Variants in CDH5 observed in about 807,000 individuals in gnomAD.
CDH5 encodes cadherin-5.
Under a neutral mutation model 62.0 loss-of-function variants are expected in CDH5, and 28 were observed. The ratio of observed to expected loss-of-function variants is 0.45; its 90% CI spans 0.33 to 0.62. The LOEUF (loss-of-function observed/expected upper bound fraction) is 0.62. Among genes scored for constraint, CDH5 ranks in the 20% least tolerant of loss-of-function variants. CDH5 has a pLI of 0.02. For synonymous variants in CDH5, 464 were observed against 445.8 expected, an observed-to-expected ratio of 1.04 and a Z score of -0.52; for missense variants, 940 against 1,065.1, an observed-to-expected ratio of 0.88 and a Z score of 1.63.
intron 2 of CDH5, among the ~76,000 whole-genome samples, chr16:66,382,924 T>C (rs1960922936): frequency 6.6e-6 from 1 of 152,020 alleles, no homozygotes; most frequent in Non-Finnish European, 1.5e-5. Flanking sequence ...CAAATATGGG[T>C]TTTTGGCATT....
intron 7 of CDH5, 150 bp downstream of exon 7, chr16:66,392,533 C>A: frequency 2.7e-6 from 3 of 1,098,232 alleles, no homozygotes; most frequent in Non-Finnish European, 3.9e-6. Context: ...GAAGCCCAAG[C>A]TCTTGCACTT....
At chr16:66,389,260 C>T in intron 4 of CDH5, 98 bp from the exon 5 acceptor site, 1 of 1,187,746 alleles carries the variant, frequency 8.4e-7, no homozygotes, top group Non-Finnish European at 1.2e-6. Flanking sequence ...GTGGAATCAC[C>T]AGGGAAGCTC....
chr16:66,367,434 C>A (rs886533924), intron 1 of CDH5, among the ~76,000 whole-genome samples: 1 of 152,220 alleles, frequency 6.6e-6, no homozygotes. Flanking sequence ...TCCACCATTC[C>A]TCCCACCAGC....
intron 11 of CDH5, 127 bp downstream of exon 11, chr16:66,401,143 C>A: frequency 8.2e-7 from 1 of 1,220,014 alleles, no homozygotes; most frequent in Non-Finnish European, 1.2e-6. Context: ...CTCCAATCTG[C>A]AATGCAGCCC....
chr16:66,375,901 G>A (rs1960777395), intron 1 of CDH5, among the ~76,000 whole-genome samples: 1 of 151,838 alleles, frequency 6.6e-6, no homozygotes, highest in South Asian at 2.1e-4. Context: ...GAGGTCAGGA[G>A]TTTGAGACCA....
rs1389133104 is a variant in CDH5, at chr16:66,404,227, T to C, written c.*1058T>C. 3.3e-5 allele frequency: 5 copies of C among 152,746 alleles called. No individual in the cohort carries two copies. Among genetic ancestry groups the C allele is most frequent in the Non-Finnish European group, 7.3e-5 (5 of 68,090 alleles). 9.5% of individuals were successfully genotyped at this position (152,746 alleles called of 1,614,324 possible). ...CATGACGGAGCCGAGCCATGTGTCT[T>C]TACACCTCGCTGTTGTCACATCTCA... On this transcript the variant is annotated 3_prime_UTR_variant, in exon 12 of 12. Transcript: ENST00000341529.
chr16:66,380,389 G>A lies in CDH5; in HGVS notation c.210+842G>A, dbSNP rs542626327. ...ATAAAGGGGTAGGCGGTGGTCTGACGATGGTGATGATGGTGGTGCTGATAA... is the reference window on the plus strand; with the variant it reads ...ATAAAGGGGTAGGCGGTGGTCTGACAATGGTGATGATGGTGGTGCTGATAA... On this transcript the variant is annotated intron_variant, in intron 2 of 11. Transcript: ENST00000341529. 3.9e-4 allele frequency among the ~76,000 whole-genome samples: 59 copies of A among 149,410 alleles called. 3 individuals are homozygous for A. Among genetic ancestry groups the A allele is most frequent in the African/African-American group, 1.3e-3 (51 of 39,660 alleles).
chr16:66,386,742 C>G (rs1403258254), intron 2 of CDH5, 67 bp from the exon 3 acceptor site: 15 of 1,400,110 alleles, frequency 1.1e-5, no homozygotes, highest in Non-Finnish European at 6.8e-6. Flanking sequence ...TACACACACT[C>G]TCACTCACAC....
chr16:66,379,830 T>C (rs1193921155), intron 2 of CDH5, among the ~76,000 whole-genome samples: 1 of 151,668 alleles, frequency 6.6e-6, no homozygotes, highest in African/African-American at 2.4e-5. Context: ...ATGGTAGTGA[T>C]GATAAAGGGG....
intron 2 of CDH5, among the ~76,000 whole-genome samples, chr16:66,385,130 T>C (rs1161134137): frequency 1.3e-5 from 2 of 152,152 alleles, no homozygotes; most frequent in Admixed American, 1.3e-4. Context: ...TGAATAGAAT[T>C]CTATTTTGGG....
chr16:66,378,108 C>T (rs948552513), intron 1 of CDH5, among the ~76,000 whole-genome samples: 4 of 152,246 alleles, frequency 2.6e-5, no homozygotes, highest in Non-Finnish European at 4.4e-5. Flanking sequence ...TGACCACTCA[C>T]TGTAAGATCT....
In CDH5 at chr16:66,386,814, G is replaced by C. The variant is rs1332786769; in HGVS notation, c.216G>C (p.Lys72Asn). 2 of 1,606,014 alleles carry C rather than the reference G, an allele frequency of 1.2e-6. No individual in the cohort carries two copies. Among genetic ancestry groups the C allele is most frequent in the East Asian group, 2.2e-5 (1 of 44,612 alleles). ...CGTCACCTCTTCTTTTCTAGATCAA[G>C]TCAAGCGTGAGTCGCAAGAATGCCA... ...TSLPHHVGKI[K>N]SSVSRKNAKY... The change falls in exon 3 of 12, where the codon AAG (lysine) becomes AAC (asparagine). Residue 72 changes from lysine (K) to asparagine (N), a missense_variant. Lys to Asn is a moderately conservative substitution (Grantham distance 94). Coordinates refer to ENST00000341529, the MANE Select transcript of CDH5 (RefSeq NM_001795.5).
At chr16:66,402,185 T>C (rs745353970) in intron 11 of CDH5, among the ~76,000 whole-genome samples, 45 of 151,600 alleles carry the variant, frequency 3.0e-4, no homozygotes, top group Non-Finnish European at 5.7e-4. Context: ...GCTTTACTTA[T>C]GTATATAGTA....
rs1961216345 is a variant in CDH5, at chr16:66,398,012, A to C, written c.1391A>C (p.Gln464Pro). ...GTPTGKESIV[Q>P]VHIEVLDEND... Reference sequence around the variant, plus strand: ...CCCACAGGAAAAGAATCCATTGTGCAAGTCCACATTGAAGTTTTGGATGAG... The same window carrying C: ...CCCACAGGAAAAGAATCCATTGTGCCAGTCCACATTGAAGTTTTGGATGAG... The change falls in exon 9 of 12, where the codon CAA becomes CCA. Residue 464 changes from glutamine (Q) to proline (P), a missense_variant. Gln to Pro is a moderately conservative substitution (Grantham distance 76). Coordinates refer to ENST00000341529, the MANE Select transcript of CDH5 (RefSeq NM_001795.5). 1 of 1,614,086 alleles carries C rather than the reference A, an allele frequency of 6.2e-7. No individual in the cohort carries two copies.
At chr16:66,372,820 G>A (rs993518253) in intron 1 of CDH5, among the ~76,000 whole-genome samples, 8 of 152,134 alleles carry the variant, frequency 5.3e-5, no homozygotes, top group Non-Finnish European at 8.8e-5. Flanking sequence ...CAGGGGATTC[G>A]GGCCACTCAC....
intron 1 of CDH5, among the ~76,000 whole-genome samples, chr16:66,372,494 C>T (rs1567459409): frequency 2.6e-5 from 4 of 152,158 alleles, no homozygotes; most frequent in East Asian, 1.9e-4. Context: ...TCCTGTGGGC[C>T]GGAGCTATGC....
intron 1 of CDH5, among the ~76,000 whole-genome samples, chr16:66,373,649 T>C (rs1186680895): frequency 1.3e-5 from 2 of 152,070 alleles, no homozygotes; most frequent in African/African-American, 2.4e-5. Context: ...ACTCCTGACC[T>C]CAAGTGATCC....
chr16:66,382,416 C>T (rs2142320152), intron 2 of CDH5, among the ~76,000 whole-genome samples: 1 of 152,186 alleles, frequency 6.6e-6, no homozygotes, highest in Admixed American at 6.5e-5. Context: ...AGAATGCCGC[C>T]CTAGGAAAAC....
chr16:66,372,423 G>T (rs1960708025), intron 1 of CDH5, among the ~76,000 whole-genome samples: 1 of 152,242 alleles, frequency 6.6e-6, no homozygotes, highest in Admixed American at 6.5e-5. Context: ...GACAGCAAGT[G>T]CACGGGCAGG....
Sources: gnomAD v4.1 joint callset for allele counts (sites outside exome capture counted in the v4.1 genomes callset) on GRCh38, gnomAD v4.1.1 for gene constraint, MANE v1.5 for transcripts, NCBI Gene and HGNC (gene_info 2026-07-23, HGNC 2026-07-21) for gene names.